The following TNFRSF10A variants were observed in gnomAD, a reference collection of about 807,000 sequenced individuals.
TNFRSF10A encodes the protein TNF receptor superfamily member 10a, also known as tumor necrosis factor receptor superfamily member 10A.
TNFRSF10A carries 44 observed loss-of-function variants against 42.8 expected under a neutral mutation model. That is an observed-to-expected ratio of 1.03 (90% CI 0.81 to 1.32). TNFRSF10A has a LOEUF of 1.32. Among genes scored for constraint, TNFRSF10A ranks in the 40% most tolerant of loss-of-function variants. The pLI, the probability that TNFRSF10A is intolerant of heterozygous loss-of-function variation, is 0.00. For missense variants in TNFRSF10A, 680 were observed against 602.0 expected (o/e 1.13, Z -1.36); for synonymous variants, 259 against 234.2 (o/e 1.11, Z -0.97).
rs1274182793 is a variant in TNFRSF10A, at chr8:23,190,629, C to T, written c.*1065G>A. 6.6e-6 allele frequency: 1 copy of T among 152,156 alleles called. No homozygotes were observed. Among genetic ancestry groups the T allele is most frequent in the African/African-American group, 2.4e-5 (1 of 41,434 alleles). 9.4% of individuals were successfully genotyped at this position (152,156 alleles called of 1,614,324 possible). A position where few individuals can be genotyped will look rare whatever the true frequency, so the allele number is the denominator to read the frequency against. On this transcript the variant is annotated 3_prime_UTR_variant, in exon 10 of 10. Transcript: ENST00000221132. ...TAAATTAAATAATTAATAAATTAAC[C>T]TTAGCTTACTGGACGGCCACCATCT... is the stretch of plus-strand genomic sequence containing the variant.
Position 23,199,561 on chromosome 8 carries a change from A to T in TNFRSF10A, c.832-113T>A. ...CCCCTCCCAGTGAGGTCACTCCAGG[A>T]AGTCCATGCTCAGCACATCCAGGAC... is the stretch of plus-strand genomic sequence containing the variant. On this transcript the variant is annotated intron_variant, in intron 7 of 9. Coordinates refer to ENST00000221132, the MANE Select transcript of TNFRSF10A (RefSeq NM_003844.4). 3 of 1,325,090 alleles carry T rather than the reference A, an allele frequency of 2.3e-6. No individual in the cohort carries two copies. The Admixed American group carries it at 6.5e-5, about 29-fold the overall frequency. The allele number at this position is 1,325,090 out of a possible 1,614,324, so 82.1% of individuals were successfully genotyped here.
intron 2 of TNFRSF10A, among the ~76,000 whole-genome samples, chr8:23,211,820 A>G (rs531775360): frequency 6.6e-6 from 1 of 152,356 alleles, no homozygotes; most frequent in Admixed American, 6.5e-5. Flanking sequence ...GCCACATGCA[A>G]AAGAATGCAG....
intron 8 of TNFRSF10A, 149 bp from the exon 9 acceptor site, chr8:23,197,353 A>C: frequency 1.2e-6 from 1 of 849,522 alleles, no homozygotes; most frequent in South Asian, 1.5e-5. Flanking sequence ...CTGGTCCCAC[A>C]TAGCTCACAG....
intron 2 of TNFRSF10A, among the ~76,000 whole-genome samples, 188 bp from the exon 3 acceptor site, chr8:23,202,949 C>T (rs534091170): frequency 6.6e-6 from 1 of 152,160 alleles, no homozygotes; most frequent in East Asian, 1.9e-4. Flanking sequence ...GACAGAAATA[C>T]AATACAAACC....
chr8:23,209,429 G>C (rs971199839), intron 2 of TNFRSF10A, among the ~76,000 whole-genome samples: 2 of 152,168 alleles, frequency 1.3e-5, no homozygotes, highest in African/African-American at 4.8e-5. Flanking sequence ...CTTATACACC[G>C]TGCACCTAGA....
At chr8:23,220,471 C>G (rs899479252) in intron 1 of TNFRSF10A, among the ~76,000 whole-genome samples, 1 of 152,336 alleles carries the variant, frequency 6.6e-6, no homozygotes. Context: ...CAGGGTTGGC[C>G]GTGCTCCTCT....
At chr8:23,215,279 G>C (rs954961892) in intron 1 of TNFRSF10A, among the ~76,000 whole-genome samples, 31 of 152,068 alleles carry the variant, frequency 2.0e-4, no homozygotes, top group Admixed American at 4.6e-4. Context: ...CACTTTGGGA[G>C]GCCAAAGTGG....
intron 3 of TNFRSF10A, among the ~76,000 whole-genome samples, chr8:23,202,346 C>T (rs1476999597): frequency 2.6e-5 from 4 of 152,180 alleles, no homozygotes; most frequent in African/African-American, 4.8e-5. Flanking sequence ...CCAGGGGGAG[C>T]GTGGCCCCAG....
In TNFRSF10A at chr8:23,224,951, C is replaced by T; in HGVS notation, c.111G>A (p.Val37=). The change falls in exon 1 of 10, where the codon GTG becomes GTA. Residue 37 remains valine, a synonymous_variant. Coordinates refer to ENST00000221132, the MANE Select transcript of TNFRSF10A (RefSeq NM_003844.4). ...TEAAAATPSK[V]WGSSAGRIEP... is the part of the protein sequence containing the mutation. ...CAATCCTCCCCGCGGAAGAGCCCCA[C>T]ACTTTGCTGGGTGTGGCCGCGGCTG... The T allele has an allele frequency of 2.5e-6, 4 of 1,600,682 alleles. No homozygotes were observed. In the East Asian group the frequency reaches 9.1e-5, roughly 36 times the overall value.
chr8:23,191,593 C>T lies in TNFRSF10A; in HGVS notation c.*101G>A. The T allele has an allele frequency of 7.0e-7, 1 of 1,426,016 alleles. No individual in the cohort carries two copies. Among genetic ancestry groups the T allele is most frequent in the South Asian group, 1.5e-5 (1 of 66,034 alleles). The allele number at this position is 1,426,016 out of a possible 1,614,324, so 88.3% of individuals were successfully genotyped here. A position where few individuals can be genotyped will look rare whatever the true frequency, so the allele number is the denominator to read the frequency against. On this transcript the variant is annotated 3_prime_UTR_variant, in exon 10 of 10. Transcript: ENST00000221132. ...GGGATTACAGGCATGAGCCACTACA[C>T]CTGGCTAAGAATTTACTTTGTATAC...
intron 9 of TNFRSF10A, among the ~76,000 whole-genome samples, chr8:23,194,317 C>T (rs1800794726): frequency 6.6e-6 from 1 of 152,150 alleles, no homozygotes; most frequent in Non-Finnish European, 1.5e-5. Context: ...TAATTCCAAG[C>T]AATTTTCAAG....
chr8:23,205,412 T>A (rs1800989721), intron 2 of TNFRSF10A, among the ~76,000 whole-genome samples: 2 of 152,202 alleles, frequency 1.3e-5, no homozygotes, highest in Admixed American at 6.5e-5. Flanking sequence ...GCACATATAA[T>A]GAAGTTCTAT....
chr8:23,209,802 G>A (rs574464927), intron 2 of TNFRSF10A, among the ~76,000 whole-genome samples: 12 of 152,308 alleles, frequency 7.9e-5, no homozygotes, highest in East Asian at 1.9e-4. Flanking sequence ...GACTTTGGAC[G>A]GTGAACTTCC....
chr8:23,198,078 T>C lies in TNFRSF10A; in HGVS notation c.1015-874A>G. On this transcript the variant is annotated intron_variant, in intron 8 of 9. Coordinates refer to ENST00000221132, the MANE Select transcript of TNFRSF10A (RefSeq NM_003844.4). Reference sequence around the variant, plus strand: ...ATGGGTACTAATGCAAGAAAGGAACTGAATGGAACAGTCTAGGTGGAAGGA... The same window carrying C: ...ATGGGTACTAATGCAAGAAAGGAACCGAATGGAACAGTCTAGGTGGAAGGA... 1.3e-5 allele frequency among the ~76,000 whole-genome samples: 2 copies of C among 152,076 alleles called. 1 individual carries two copies. Among genetic ancestry groups the C allele is most frequent in the East Asian group, 3.8e-4 (2 of 5,196 alleles).
At position 23,224,999 on chromosome 8, in the gene TNFRSF10A, C is replaced by G; in HGVS notation, c.63G>C (p.Gly21=). The G allele has an allele frequency of 6.3e-7, 1 of 1,590,728 alleles. No individual in the cohort carries two copies. Among genetic ancestry groups the G allele is most frequent in the Non-Finnish European group, 8.6e-7 (1 of 1,167,328 alleles). ...GAFLAVTPNP[G]SAASGTEAAA... is the part of the protein sequence containing the mutation. The stretch of plus-strand genomic sequence containing the variant: ...CTGCCTCTGTCCCACTCGCTGCGCT[C>G]CCGGGATTCGGAGTCACTGCCAGGA... The change falls in exon 1 of 10, where the codon GGG becomes GGC. Residue 21 remains glycine (G), a synonymous_variant. Coordinates refer to ENST00000221132, the MANE Select transcript of TNFRSF10A (RefSeq NM_003844.4).
At chr8:23,200,872 G>C (rs1245456121) in intron 4 of TNFRSF10A, 112 bp from the exon 5 acceptor site, 12 of 1,015,210 alleles carry the variant, frequency 1.2e-5, no homozygotes, top group Admixed American at 1.1e-4. Flanking sequence ...GTCAGGGGAA[G>C]GATAGTCTCC....
intron 6 of TNFRSF10A, 134 bp from the exon 7 acceptor site, chr8:23,200,051 T>A: frequency 9.4e-7 from 1 of 1,060,418 alleles, no homozygotes; most frequent in Non-Finnish European, 1.4e-6. Context: ...GGGATCCACA[T>A]GAGGCCCTGC....
At chr8:23,202,566 G>A in intron 3 of TNFRSF10A, 82 bp downstream of exon 3, 1 of 1,105,712 alleles carries the variant, frequency 9.0e-7, no homozygotes. Context: ...CTGGAACTTG[G>A]TTCCCTGACT....
chr8:23,192,155 C>T (rs1205953355), intron 9 of TNFRSF10A, 142 bp from the exon 10 acceptor site: 1 of 1,416,068 alleles, frequency 7.1e-7, no homozygotes, highest in African/African-American at 1.4e-5. Flanking sequence ...CCATTGCCCA[C>T]CCACCTCCCA....
Sources: gnomAD v4.1 joint callset for allele counts (sites outside exome capture counted in the v4.1 genomes callset) on GRCh38, gnomAD v4.1.1 for gene constraint, MANE v1.5 for transcripts, NCBI Gene and HGNC (gene_info 2026-07-23, HGNC 2026-07-21) for gene names.